The following BNC2 variants were observed in gnomAD, a reference collection of about 807,000 sequenced individuals.
BNC2 encodes basonuclin zinc finger protein 2.
A neutral mutation model predicts 76.3 loss-of-function variants in BNC2; 20 were observed. The ratio of observed to expected loss-of-function variants is 0.26; its 90% CI spans 0.18 to 0.38. The LOEUF (loss-of-function observed/expected upper bound fraction) is 0.38. Among genes scored for constraint, BNC2 ranks in the 10% least tolerant of loss-of-function variants. BNC2 has a pLI of 1.00. For synonymous variants in BNC2, 582 were observed against 514.8 expected, an observed-to-expected ratio of 1.13 and a Z score of -1.77; for missense variants, 1,382 against 1,399.8, an observed-to-expected ratio of 0.99 and a Z score of 0.20.
intron 3 of BNC2, among the ~76,000 whole-genome samples, chr9:16,603,851 C>A (rs1356986322): frequency 7.5e-5 from 11 of 147,456 alleles, no homozygotes; most frequent in African/African-American, 2.8e-4. Context: ...TATTTTCAAA[C>A]CTCTCTCAAA....
intron 3 of BNC2, among the ~76,000 whole-genome samples, chr9:16,624,786 GT>G (rs1255879065): frequency 1.3e-5 from 2 of 152,108 alleles, no homozygotes; most frequent in African/African-American, 4.8e-5. Context: ...AGCATTTAAG[GT>G]TTTTTTAATC....
intron 1 of BNC2, among the ~76,000 whole-genome samples, chr9:16,813,211 T>C (rs976989344): frequency 6.4e-4 from 97 of 151,168 alleles, no homozygotes; most frequent in Non-Finnish European, 1.1e-3. Flanking sequence ...GAAGAAAAAC[T>C]CCTAAAGGTC....
chr9:16,784,726 G>A (rs1239215118), intron 1 of BNC2, among the ~76,000 whole-genome samples: 2 of 152,204 alleles, frequency 1.3e-5, no homozygotes, highest in Non-Finnish European at 2.9e-5. Flanking sequence ...AAGTGGGCAG[G>A]TACTGCAACA....
intron 5 of BNC2, among the ~76,000 whole-genome samples, chr9:16,453,362 C>G (rs1821382113): frequency 1.3e-5 from 2 of 152,170 alleles, no homozygotes; most frequent in Admixed American, 1.3e-4. Context: ...ACAGAAGGCA[C>G]TCCTGCCTGC....
At chr9:16,661,736 C>T (rs772813856) in intron 3 of BNC2, among the ~76,000 whole-genome samples, 7 of 152,138 alleles carry the variant, frequency 4.6e-5, no homozygotes, top group Non-Finnish European at 1.0e-4. Context: ...AACTTAAAAA[C>T]ATCAATAAAA....
At chr9:16,684,504 C>A (rs749178818) in intron 3 of BNC2, among the ~76,000 whole-genome samples, 3 of 152,102 alleles carry the variant, frequency 2.0e-5, no homozygotes, top group Non-Finnish European at 4.4e-5. Flanking sequence ...GAAACCTCCT[C>A]CTACCACCAC....
intron 4 of BNC2, chr9:16,579,719 A>G (rs975578800): frequency 6.0e-6 from 1 of 166,904 alleles, no homozygotes; most frequent in Non-Finnish European, 1.3e-5. Flanking sequence ...ACATATACAG[A>G]GACACACATA....
At chr9:16,635,374 G>C (rs1286979021) in intron 3 of BNC2, among the ~76,000 whole-genome samples, 1 of 152,088 alleles carries the variant, frequency 6.6e-6, no homozygotes, top group African/African-American at 2.4e-5. Flanking sequence ...ATAATTTTAT[G>C]TATTTTTTTC....
intron 5 of BNC2, among the ~76,000 whole-genome samples, chr9:16,494,340 A>G (rs1822340437): frequency 6.6e-6 from 1 of 151,958 alleles, no homozygotes; most frequent in South Asian, 2.1e-4. Flanking sequence ...TTTAGTAGAG[A>G]TGGGGTTTCA....
intron 1 of BNC2, among the ~76,000 whole-genome samples, chr9:16,779,838 G>C (rs535133012): frequency 3.9e-5 from 6 of 152,192 alleles, no homozygotes; most frequent in Non-Finnish European, 5.9e-5. Flanking sequence ...TGGCAGTGTT[G>C]TGGGGGGGCC....
intron 3 of BNC2, among the ~76,000 whole-genome samples, chr9:16,642,137 C>A (rs1262578564): frequency 6.6e-6 from 1 of 152,188 alleles, no homozygotes; most frequent in Non-Finnish European, 1.5e-5. Context: ...ACCTTGCCAA[C>A]ATGCTCCTTC....
chr9:16,607,654 T>C (rs1820422698), intron 3 of BNC2, among the ~76,000 whole-genome samples: 1 of 152,214 alleles, frequency 6.6e-6, no homozygotes, highest in South Asian at 2.1e-4. Context: ...AGTGTGCTAA[T>C]GTATTTGTAT....
At position 16,412,293 on chromosome 9, in the gene BNC2, T is replaced by G. The variant is rs1820477836; in HGVS notation, c.*6696A>C. 1 of 152,596 alleles carries G rather than the reference T, an allele frequency of 6.6e-6. No individual in the cohort carries two copies. The highest frequency in any genetic ancestry group is 2.4e-5 in the African/African-American group (1 of 41,436). 9.5% of individuals were successfully genotyped at this position (152,596 alleles called of 1,614,324 possible). ...TGGAGGGGTCATTGAAAGATGCATTTGTACACCTACGTCCATGGTTTGATG... is the reference window on the plus strand; with the variant it reads ...TGGAGGGGTCATTGAAAGATGCATTGGTACACCTACGTCCATGGTTTGATG... On this transcript the variant is annotated 3_prime_UTR_variant, in exon 7 of 7. Transcript: ENST00000380672.
At chr9:16,613,365 G>A (rs1820607182) in intron 3 of BNC2, among the ~76,000 whole-genome samples, 1 of 152,164 alleles carries the variant, frequency 6.6e-6, no homozygotes, top group African/African-American at 2.4e-5. Context: ...TTTTGTGCTT[G>A]CAACCCAGAA....
At chr9:16,751,698 A>ATATAAGTATGTGTGTGTG (rs1825215600) in intron 1 of BNC2, among the ~76,000 whole-genome samples, 1 of 140,278 alleles carries the variant, frequency 7.1e-6, no homozygotes, top group African/African-American at 2.6e-5. Context: ...GTGTGTATAT[A>ATATAAGTATGTGTGTGTG]TATATATATG....
intron 5 of BNC2, among the ~76,000 whole-genome samples, chr9:16,447,555 G>A (rs781445385): frequency 2.6e-5 from 4 of 151,940 alleles, no homozygotes; most frequent in African/African-American, 4.8e-5. Flanking sequence ...CTGTATTATC[G>A]TATATTCTGG....
intron 1 of BNC2, among the ~76,000 whole-genome samples, chr9:16,848,719 C>G (rs1036859792): frequency 2.6e-5 from 4 of 152,152 alleles, no homozygotes; most frequent in Admixed American, 2.0e-4. Context: ...TCAACTAACA[C>G]AAGAAAAGTT....
chr9:16,596,324 G>A (rs779156688), intron 3 of BNC2, among the ~76,000 whole-genome samples: 1 of 151,944 alleles, frequency 6.6e-6, no homozygotes, highest in African/African-American at 2.4e-5. Flanking sequence ...TATCCAAGGG[G>A]CTTTTTATGT....
At chr9:16,497,978 GGT>G (rs34523754) in intron 5 of BNC2, among the ~76,000 whole-genome samples, 3,081 of 134,814 alleles carry the variant, frequency 0.023, 73 homozygotes, top group South Asian at 0.15. Flanking sequence ...AAGAAACTGT[GGT>G]GTGTGTGTGT....
Sources: allele counts gnomAD v4.1 joint callset (sites outside exome capture counted in the v4.1 genomes callset), GRCh38; gene constraint gnomAD v4.1.1; transcripts MANE v1.5; gene names NCBI Gene and HGNC (gene_info 2026-07-23, HGNC 2026-07-21).